CLCN3: variants seen among roughly 807,000 people sequenced by gnomAD.
The protein encoded by CLCN3 is H(+)/Cl(-) exchange transporter 3.
Under a neutral mutation model 83.4 loss-of-function variants are expected in CLCN3, and 16 were observed. The ratio of observed to expected loss-of-function variants is 0.19; its 90% confidence interval spans 0.13 to 0.29. The LOEUF (loss-of-function observed/expected upper bound fraction) is 0.29. Among genes scored for constraint, CLCN3 ranks in the 10% least tolerant of loss-of-function variants. CLCN3 has a pLI of 1.00. For synonymous variants in CLCN3, 322 were observed against 346.2 expected, an observed-to-expected ratio of 0.93 and a Z score of 0.78; for missense variants, 544 against 1,006.0, an observed-to-expected ratio of 0.54 and a Z score of 6.21.
At chr4:169,714,630 C>T (rs1733357297) in intron 12 of CLCN3, among the ~76,000 whole-genome samples, 1 of 152,042 alleles carries the variant, frequency 6.6e-6, no homozygotes, top group Non-Finnish European at 1.5e-5. Context: ...TTTGTGATTT[C>T]TTAAACTACT....
chr4:169,672,621 TATCTC>T (rs1195255301), intron 2 of CLCN3, among the ~76,000 whole-genome samples: 3 of 152,176 alleles, frequency 2.0e-5, no homozygotes, highest in South Asian at 2.1e-4. Flanking sequence ...TTTTTGTACT[TATCTC>T]ATTTTAGCCT....
Position 169,676,317 on chromosome 4 carries a change from T to C in CLCN3, c.161-3733T>C, listed in dbSNP as rs941922126. 9.8e-4 allele frequency among the ~76,000 whole-genome samples: 150 copies of C among 152,336 alleles called. 1 individual carries two copies. Among genetic ancestry groups the C allele is most frequent in the African/African-American group, 3.5e-3 (146 of 41,586 alleles). ...TTCAGTATTACAGATAATGGTTCAA[T>C]TAAATATTTAAGCTTTTGTGCACTT... is the stretch of plus-strand genomic sequence containing the variant. On this transcript the variant is annotated intron_variant, in intron 2 of 12. Coordinates refer to ENST00000513761, the MANE Select transcript of CLCN3 (RefSeq NM_001829.4).
chr4:169,623,496 C>T (rs1054129563), intron 1 of CLCN3, among the ~76,000 whole-genome samples: 4 of 152,146 alleles, frequency 2.6e-5, no homozygotes, highest in Non-Finnish European at 4.4e-5. Context: ...ATCATATCAC[C>T]TACTTGCCAT....
intron 12 of CLCN3, among the ~76,000 whole-genome samples, chr4:169,716,815 C>G (rs995356163): frequency 1.3e-5 from 2 of 152,074 alleles, no homozygotes; most frequent in Admixed American, 6.5e-5. Flanking sequence ...TTTGAAGTCT[C>G]CTAGTGACAT....
chr4:169,633,453 A>C (rs1773430047), intron 1 of CLCN3, among the ~76,000 whole-genome samples: 1 of 152,160 alleles, frequency 6.6e-6, no homozygotes, highest in Admixed American at 6.5e-5. Context: ...AATATGTAAA[A>C]TTTCATCTGC....
At position 169,713,092 on chromosome 4, in the gene CLCN3, A is replaced by G. The variant is rs1733286032; in HGVS notation, c.2163A>G (p.Lys721=). ...CTCTCTTTTCAGAAAGTGCCAGGAA[A>G]AAACAAGAAGGTATCGTTGGCAGTT... ...DLTIAIESAR[K]KQEGIVGSSR... is the part of the protein sequence containing the mutation. Residue 721 remains lysine (K), a synonymous_variant, in exon 12 of 13, where the codon AAA becomes AAG. Transcript: ENST00000513761. 2 of 1,614,084 alleles carry G rather than the reference A, an allele frequency of 1.2e-6. No homozygotes were observed. Among genetic ancestry groups the G allele is most frequent in the Non-Finnish European group, 1.7e-6 (2 of 1,179,960 alleles).
chr4:169,695,245 G>T (rs1030361699), intron 7 of CLCN3, among the ~76,000 whole-genome samples: 1 of 152,124 alleles, frequency 6.6e-6, no homozygotes, highest in Non-Finnish European at 1.5e-5. Context: ...TTGAAGAAAT[G>T]ATATCCTATT....
intron 2 of CLCN3, among the ~76,000 whole-genome samples, chr4:169,638,965 A>G (rs1489095742): frequency 2.6e-5 from 4 of 152,216 alleles, no homozygotes; most frequent in African/African-American, 7.2e-5. Context: ...TAACATGCAA[A>G]CAAGAGGAAG....
Position 169,719,950 on chromosome 4 carries a change from A to G in CLCN3, c.2410A>G (p.Met804Val), listed in dbSNP as rs1733570165. 1.2e-6 allele frequency: 2 copies of G among 1,614,038 alleles called. No homozygotes were observed. The highest frequency in any genetic ancestry group is 1.7e-6 in the Non-Finnish European group (2 of 1,179,910). Residue 804 changes from methionine (M) to valine (V), a missense_variant, in exon 13 of 13, where the codon ATG (methionine) becomes GTG (valine). Transcript: ENST00000513761. ...IITKKDILRH[M>V]AQTANQDPAS... is the part of the protein sequence containing the mutation. ...AACAAAAAAAGATATCCTCCGGCAT[A>G]TGGCCCAGACGGCAAACCAAGACCC...
chr4:169,624,479 G>T (rs1302223464), intron 1 of CLCN3, among the ~76,000 whole-genome samples: 1 of 152,122 alleles, frequency 6.6e-6, no homozygotes, highest in Non-Finnish European at 1.5e-5. Flanking sequence ...CTGTTGGCCA[G>T]ACTGGTCTCA....
At chr4:169,634,715 T>C (rs1252487956) in intron 1 of CLCN3, among the ~76,000 whole-genome samples, 1 of 152,212 alleles carries the variant, frequency 6.6e-6, no homozygotes, top group Non-Finnish European at 1.5e-5. Context: ...TTTTTTTAAA[T>C]TGAAAACTGA....
chr4:169,655,732 C>T (rs1038753768), intron 2 of CLCN3, among the ~76,000 whole-genome samples: 4 of 152,158 alleles, frequency 2.6e-5, no homozygotes, highest in African/African-American at 9.7e-5. Flanking sequence ...TCTTGAACTC[C>T]TGGCTTCAAG....
At chr4:169,676,036 C>T (rs931865282) in intron 2 of CLCN3, among the ~76,000 whole-genome samples, 1 of 152,134 alleles carries the variant, frequency 6.6e-6, no homozygotes, top group Non-Finnish European at 1.5e-5. Context: ...CAATTGTAAT[C>T]CCCAGAGATA....
intron 2 of CLCN3, among the ~76,000 whole-genome samples, chr4:169,647,340 G>A (rs1730603670): frequency 6.6e-6 from 1 of 152,026 alleles, no homozygotes; most frequent in Non-Finnish European, 1.5e-5. Flanking sequence ...GCAGTTAGCC[G>A]AGATCAGCCA....
In CLCN3 at chr4:169,675,486, A is replaced by G. The variant is rs966360487; in HGVS notation, c.161-4564A>G. Among the ~76,000 whole-genome samples the G allele has an allele frequency of 1.3e-4, 20 of 152,346 alleles. No individual in the cohort carries two copies. The South Asian group carries it at 3.1e-3, about 24-fold the overall frequency. ...TTAAAAGTCCTATAATAAAATAAAC[A>G]TATCTTGTGTTTTATTTTTACAATT... On this transcript the variant is annotated intron_variant, in intron 2 of 12. Transcript: ENST00000513761.
chr4:169,705,421 C>G (rs1180771791), intron 10 of CLCN3, among the ~76,000 whole-genome samples: 2 of 152,178 alleles, frequency 1.3e-5, no homozygotes, highest in African/African-American at 2.4e-5. Context: ...TTATGGCAGT[C>G]CTGGCTTTGC....
At chr4:169,635,097 A>C (rs1412616241) in intron 1 of CLCN3, among the ~76,000 whole-genome samples, 1 of 152,124 alleles carries the variant, frequency 6.6e-6, no homozygotes, top group Non-Finnish European at 1.5e-5. Context: ...TGCTTACTTT[A>C]GTCTTCATCT....
chr4:169,632,144 G>A (rs1005353143), intron 1 of CLCN3, among the ~76,000 whole-genome samples: 3 of 152,124 alleles, frequency 2.0e-5, no homozygotes, highest in African/African-American at 7.2e-5. Flanking sequence ...GAACATAGAT[G>A]TAAAAACCTT....
intron 8 of CLCN3, among the ~76,000 whole-genome samples, chr4:169,696,344 G>A (rs1235383201): frequency 6.6e-6 from 1 of 151,950 alleles, no homozygotes; most frequent in East Asian, 1.9e-4. Context: ...GGATTATTTT[G>A]TTTTTGTTTT....
Sources: gnomAD v4.1 joint callset for allele counts (sites outside exome capture counted in the v4.1 genomes callset) on GRCh38, gnomAD v4.1.1 for gene constraint, MANE v1.5 for transcripts, NCBI Gene and HGNC (gene_info 2026-07-23, HGNC 2026-07-21) for gene names.